TPCN2: variants seen among roughly 807,000 people sequenced by gnomAD.
TPCN2 encodes two pore segment channel 2, also known as two pore channel protein 2.
A neutral mutation model predicts 111.4 loss-of-function variants in TPCN2; 92 were observed. That is an observed-to-expected ratio of 0.83 (90% CI 0.70 to 0.98). TPCN2 has a LOEUF of 0.98. Ranked by LOEUF, TPCN2 falls within the 50% of genes least tolerant of loss-of-function variation. The probability of loss-of-function intolerance (pLI) is 0.00; values close to 1 mark genes in which losing one functional copy is unlikely to be tolerated. For missense variants in TPCN2, 995 were observed against 980.1 expected, an observed-to-expected ratio of 1.02 and a Z score of -0.20; for synonymous variants, 405 against 414.5, an observed-to-expected ratio of 0.98 and a Z score of 0.28.
At chr11:69,083,884 G>A in intron 18 of TPCN2, 61 bp from the exon 19 acceptor site, 1 of 1,530,030 alleles carries the variant, frequency 6.5e-7, no homozygotes, top group Non-Finnish European at 9.1e-7. Flanking sequence ...TGGTGGGCCG[G>A]GATGGTGTCC....
rs910395785 is a variant in TPCN2 at position 69,088,110 on chromosome 11, C to T, written c.*157C>T. ...CTGGGGACAGGAACCAAGTCCTTTG[C>T]GTGTGGCCCAACAACCATCTACAGA... is the stretch of plus-strand genomic sequence containing the variant. On this transcript the variant is annotated 3_prime_UTR_variant, in exon 25 of 25. Coordinates refer to ENST00000294309, the MANE Select transcript of TPCN2 (RefSeq NM_139075.4). The T allele has an allele frequency of 1.1e-5, 7 of 630,092 alleles. No homozygotes were observed. Among genetic ancestry groups the T allele is most frequent in the African/African-American group, 5.5e-5 (3 of 54,346 alleles). 39.0% of individuals were successfully genotyped at this position (630,092 alleles called of 1,614,324 possible).
intron 1 of TPCN2, among the ~76,000 whole-genome samples, chr11:69,050,898 GC>G (rs1333571523): frequency 6.6e-6 from 1 of 152,260 alleles, no homozygotes; most frequent in East Asian, 1.9e-4. Context: ...ACAAGAGGAG[GC>G]TCTCGGGGAG....
chr11:69,049,094 C>G lies in TPCN2; in HGVS notation c.97C>G (p.Gln33Glu). ...PAGLTTYRSI[Q>E]VGPGAAARWD... ...GGGGCTGACCACTTACCGCAGCATC[C>G]AAGTCGGCCCTGGTGAGCCGCCCGG... The change falls in exon 1 of 25, where the codon CAA becomes GAA. Residue 33 changes from glutamine (Q) to glutamate (E), a missense_variant. Coordinates refer to ENST00000294309, the MANE Select transcript of TPCN2 (RefSeq NM_139075.4). 8.1e-7 allele frequency: 1 copy of G among 1,241,996 alleles called. No homozygotes were observed. The highest frequency in any genetic ancestry group is 1.0e-6 in the Non-Finnish European group (1 of 987,764). The allele number at this position is 1,241,996 out of a possible 1,614,324, so 76.9% of individuals were successfully genotyped here. A position where few individuals can be genotyped will look rare whatever the true frequency, so the allele number is the denominator to read the frequency against.
rs1315605182 is a variant in TPCN2, at chr11:69,086,015, A to G, written c.2003+85A>G. The G allele has an allele frequency of 3.0e-6, 4 of 1,355,332 alleles. No homozygotes were observed. In the African/African-American group the frequency reaches 5.8e-5, roughly 20 times the overall value. The allele number at this position is 1,355,332 out of a possible 1,614,324, so 84.0% of individuals were successfully genotyped here. A position where few individuals can be genotyped will look rare whatever the true frequency, so the allele number is the denominator to read the frequency against. On this transcript the variant is annotated intron_variant, in intron 22 of 24. Transcript: ENST00000294309. ...TCCGGGCACGCTGCATCTGCACTGGACGCCCGGAGCGTGGCTGGGACGGGG... is the reference window on the plus strand; with the variant it reads ...TCCGGGCACGCTGCATCTGCACTGGGCGCCCGGAGCGTGGCTGGGACGGGG...
chr11:69,062,990 G>A lies in TPCN2; in HGVS notation c.653G>A (p.Ser218Asn), dbSNP rs746668183. 1.2e-6 allele frequency: 2 copies of A among 1,613,744 alleles called. No individual in the cohort carries two copies. Reference protein sequence around the residue: ...CIRWSLPEMASVGLLLAIHLC... With the variant: ...CIRWSLPEMANVGLLLAIHLC... Reference sequence around the variant, plus strand: ...CGCTGGTCGCTGCCGGAAATGGCCAGGTGGGCTCTTGGTGCTCTGGGCTCG... The same window carrying A: ...CGCTGGTCGCTGCCGGAAATGGCCAAGTGGGCTCTTGGTGCTCTGGGCTCG... Residue 218 changes from serine to asparagine, a missense_variant and splice_region_variant, in exon 6 of 25, where the codon AGC becomes AAC. By Grantham distance (46) the Ser-to-Asn change is conservative. Coordinates refer to ENST00000294309, the MANE Select transcript of TPCN2 (RefSeq NM_139075.4).
At chr11:69,086,940 A>T (rs977830453) in intron 23 of TPCN2, among the ~76,000 whole-genome samples, 172 bp from the exon 24 acceptor site, 1 of 151,880 alleles carries the variant, frequency 6.6e-6, no homozygotes, top group African/African-American at 2.4e-5. Flanking sequence ...GGACTTGGAC[A>T]TTGGCTCCAG....
intron 22 of TPCN2, 68 bp downstream of exon 22, chr11:69,085,998 C>G: frequency 1.4e-6 from 2 of 1,465,270 alleles, no homozygotes; most frequent in Non-Finnish European, 1.9e-6. Context: ...CCTCCGGGCA[C>G]GCTGCATCTG....
intron 1 of TPCN2, among the ~76,000 whole-genome samples, chr11:69,050,846 C>G (rs1038580239): frequency 6.6e-6 from 1 of 152,194 alleles, no homozygotes; most frequent in African/African-American, 2.4e-5. Flanking sequence ...ATTGCAGGTC[C>G]TCCCTGGCAG....
intron 3 of TPCN2, 160 bp from the exon 4 acceptor site, chr11:69,055,015 G>A (rs781634412): frequency 6.3e-5 from 57 of 903,380 alleles, no homozygotes; most frequent in Non-Finnish European, 9.3e-5. Context: ...GTCAGCCCTC[G>A]GCAATGGAGC....
chr11:69,071,622 C>T (rs1490117259), intron 10 of TPCN2, among the ~76,000 whole-genome samples: 4 of 152,352 alleles, frequency 2.6e-5, no homozygotes, highest in Admixed American at 6.5e-5. Context: ...ACTCCCAGGA[C>T]AGCAGACCCT....
chr11:69,065,019 C>T (rs970754679), intron 7 of TPCN2, among the ~76,000 whole-genome samples: 3 of 147,180 alleles, frequency 2.0e-5, no homozygotes, highest in African/African-American at 7.5e-5. Flanking sequence ...TGCATGGTGT[C>T]TGTATGTCTG....
At chr11:69,078,856 G>T in intron 15 of TPCN2, 36 bp from the exon 16 acceptor site, 1 of 1,614,048 alleles carries the variant, frequency 6.2e-7, no homozygotes, top group Non-Finnish European at 8.5e-7. Context: ...GGCAGCCCTG[G>T]GGCCCAATGC....
Position 69,089,432 on chromosome 11 carries a change from T to A in TPCN2, c.*1479T>A, listed in dbSNP as rs1856379148. On this transcript the variant is annotated 3_prime_UTR_variant, in exon 25 of 25. Coordinates refer to ENST00000294309, the MANE Select transcript of TPCN2 (RefSeq NM_139075.4). ...GAGTGAGTCGCACGTGGCTTTGTGG[T>A]CATGGCGACTTAATCCGCCTGGACG... is the stretch of plus-strand genomic sequence containing the variant. 1 of 152,262 alleles carries A rather than the reference T, an allele frequency of 6.6e-6. No individual in the cohort carries two copies. Among genetic ancestry groups the A allele is most frequent in the Non-Finnish European group, 1.5e-5 (1 of 68,060 alleles). 9.4% of individuals were successfully genotyped at this position (152,262 alleles called of 1,614,324 possible).
rs371616598 is a variant in TPCN2, at chr11:69,085,301, G to C, written c.1838+15G>C. 6.2e-7 allele frequency: 1 copy of C among 1,607,692 alleles called. No individual in the cohort carries two copies. Among genetic ancestry groups the C allele is most frequent in the Admixed American group, 1.7e-5 (1 of 59,914 alleles). On this transcript the variant is annotated intron_variant, in intron 20 of 24. Transcript: ENST00000294309. ...GGAAACAGCAGGTGAGGTGGGGTCC[G>C]AGGTGCCACAGGGAGTGTCTCAGGG...
intron 8 of TPCN2, among the ~76,000 whole-genome samples, chr11:69,070,139 C>T (rs1426325771): frequency 1.3e-5 from 2 of 152,100 alleles, no homozygotes; most frequent in South Asian, 2.1e-4. Context: ...ATTCTCCTGC[C>T]TCAGCCTCCC....
intron 6 of TPCN2, among the ~76,000 whole-genome samples, chr11:69,063,254 C>T (rs1394517698): frequency 6.6e-6 from 1 of 151,724 alleles, no homozygotes; most frequent in South Asian, 2.1e-4. Context: ...CTGCTGAGTC[C>T]CATGGGCACT....
intron 9 of TPCN2, 32 bp downstream of exon 9, chr11:69,070,527 G>C: frequency 6.4e-7 from 1 of 1,550,510 alleles, no homozygotes; most frequent in African/African-American, 1.4e-5. Flanking sequence ...AGCATTTTGT[G>C]ACAGGATCCC....
chr11:69,055,160 C>G lies in TPCN2; in HGVS notation c.252-15C>G. Reference sequence around the variant, plus strand: ...TGCTGGCTCCTGTGTTTTCATGTTTCTGTCCCCTTTCCAGGACTTTGAGCT... The same window carrying G: ...TGCTGGCTCCTGTGTTTTCATGTTTGTGTCCCCTTTCCAGGACTTTGAGCT... On this transcript the variant is annotated splice_polypyrimidine_tract_variant and intron_variant, in intron 3 of 24. Coordinates refer to ENST00000294309, the MANE Select transcript of TPCN2 (RefSeq NM_139075.4). 1.2e-6 allele frequency: 2 copies of G among 1,612,368 alleles called. No homozygotes were observed. Among genetic ancestry groups the G allele is most frequent in the Non-Finnish European group, 1.7e-6 (2 of 1,179,142 alleles).
rs747556855 is a variant in TPCN2, at chr11:69,081,385, C to T, written c.1590-15C>T. ...CCTGGGCTCCTCCCAACCCGCCTCCCGTGTCTCTCCCCAGGAGGCCGGAGA... is the reference window on the plus strand; with the variant it reads ...CCTGGGCTCCTCCCAACCCGCCTCCTGTGTCTCTCCCCAGGAGGCCGGAGA... On this transcript the variant is annotated splice_polypyrimidine_tract_variant and intron_variant, in intron 17 of 24. Transcript: ENST00000294309. 8.4e-5 allele frequency: 129 copies of T among 1,530,712 alleles called. No individual in the cohort carries two copies. The highest frequency in any genetic ancestry group is 1.0e-4 in the Non-Finnish European group (117 of 1,135,286). 94.8% of individuals were successfully genotyped at this position (1,530,712 alleles called of 1,614,324 possible).
Sources: gnomAD v4.1 joint callset for allele counts (sites outside exome capture counted in the v4.1 genomes callset) on GRCh38, gnomAD v4.1.1 for gene constraint, MANE v1.5 for transcripts, NCBI Gene and HGNC (gene_info 2026-07-23, HGNC 2026-07-21) for gene names.